The following SLC2A9 variants were observed in gnomAD, a reference collection of about 807,000 sequenced individuals.
The protein encoded by SLC2A9 is solute carrier family 2, facilitated glucose transporter member 9.
A neutral mutation model predicts 50.6 loss-of-function variants in SLC2A9; 39 were observed. The observed-to-expected ratio is 0.77, with a 90% CI of 0.60 to 1.01. SLC2A9 has a LOEUF of 1.01. SLC2A9 is among the 50% of genes least tolerant of loss of function. The pLI, the probability that SLC2A9 is intolerant of heterozygous loss-of-function variation, is 0.00. For synonymous variants in SLC2A9, 324 were observed against 276.9 expected (o/e 1.17, Z -1.69); for missense variants, 686 against 677.6 (o/e 1.01, Z -0.14).
chr4:9,945,290 G>A (rs1748921671), intron 5 of SLC2A9, among the ~76,000 whole-genome samples: 2 of 152,242 alleles, frequency 1.3e-5, no homozygotes, highest in Admixed American at 6.5e-5. Context: ...GTAAAATGGG[G>A]ACAGTGACAA....
At chr4:9,954,259 C>T (rs1479873376) in intron 5 of SLC2A9, among the ~76,000 whole-genome samples, 1 of 152,258 alleles carries the variant, frequency 6.6e-6, no homozygotes, top group Non-Finnish European at 1.5e-5. Flanking sequence ...CTTAGTAACA[C>T]TCACTCAACA....
At chr4:10,011,231 C>G (rs1216258580) in intron 2 of SLC2A9, among the ~76,000 whole-genome samples, 1 of 152,190 alleles carries the variant, frequency 6.6e-6, no homozygotes, top group Non-Finnish European at 1.5e-5. Flanking sequence ...GCAAGAGGAG[C>G]TTTGACTCAT....
chr4:9,836,942 A>G (rs1727207825), intron 10 of SLC2A9, among the ~76,000 whole-genome samples: 1 of 152,178 alleles, frequency 6.6e-6, no homozygotes, highest in Non-Finnish European at 1.5e-5. Flanking sequence ...TAGCAAGCCG[A>G]CCCAACCAAG....
At chr4:9,782,006 A>G in intron 3 of SLC2A9, 1 of 1,412,412 alleles carries the variant, frequency 7.1e-7, no homozygotes, top group Non-Finnish European at 9.2e-7. Context: ...CCGCGCACAG[A>G]CCGCCCCTGC....
intron 2 of SLC2A9, among the ~76,000 whole-genome samples, chr4:10,014,976 T>G (rs1442826255): frequency 6.6e-6 from 1 of 152,174 alleles, no homozygotes; most frequent in East Asian, 1.9e-4. Flanking sequence ...TTCTAGCTAA[T>G]AATAAAGCTG....
At chr4:9,816,983 C>T (rs1410471936) in intron 3 of SLC2A9, among the ~76,000 whole-genome samples, 1 of 152,108 alleles carries the variant, frequency 6.6e-6, no homozygotes, top group Non-Finnish European at 1.5e-5. Context: ...TTTCCTTTTC[C>T]AGCTTCTACA....
intron 3 of SLC2A9, among the ~76,000 whole-genome samples, chr4:9,992,160 C>T (rs548168041): frequency 6.6e-6 from 1 of 152,276 alleles, no homozygotes; most frequent in African/African-American, 2.4e-5. Context: ...CTCAAATTTC[C>T]ACCAAGAAAC....
chr4:9,773,284 C>T (rs577027146), intron 1 of SLC2A9, among the ~76,000 whole-genome samples: 3 of 152,292 alleles, frequency 2.0e-5, no homozygotes, highest in Non-Finnish European at 2.9e-5. Context: ...CTATTCCCTG[C>T]CCTGTGCCAA....
At chr4:9,993,592 G>A (rs546161139) in intron 3 of SLC2A9, among the ~76,000 whole-genome samples, 16 of 152,150 alleles carry the variant, frequency 1.1e-4, no homozygotes, top group South Asian at 8.3e-4. Context: ...TGTGTGTATC[G>A]GAGCCCAGAC....
At chr4:9,897,852 G>C (rs1738853894) in intron 8 of SLC2A9, among the ~76,000 whole-genome samples, 1 of 152,136 alleles carries the variant, frequency 6.6e-6, no homozygotes, top group South Asian at 2.1e-4. Context: ...AGCTGAGATT[G>C]TGCTACTGCA....
At chr4:9,774,185 G>A (rs1282200195) in intron 1 of SLC2A9, among the ~76,000 whole-genome samples, 2 of 151,910 alleles carry the variant, frequency 1.3e-5, no homozygotes, top group Admixed American at 6.6e-5. Context: ...GTAGAGATGG[G>A]GTTTTGCCAT....
intron 5 of SLC2A9, among the ~76,000 whole-genome samples, chr4:9,949,560 G>A (rs1578038480): frequency 6.6e-6 from 1 of 152,208 alleles, no homozygotes; most frequent in South Asian, 2.1e-4. Context: ...AAATTAGGGG[G>A]TCTGGCAGAA....
rs148989521 is a variant in SLC2A9, at chr4:9,920,880, T to C, written c.815-308A>G. On this transcript the variant is annotated intron_variant, in intron 6 of 11. Coordinates refer to ENST00000264784, the MANE Select transcript of SLC2A9 (RefSeq NM_020041.3). ...CCAGAGTTCAAACCCGTCTATAACA[T>C]TGGGCAGTTGTGTCCCTGTTCATCT... is the stretch of plus-strand genomic sequence containing the variant. Among the ~76,000 whole-genome samples the C allele has an allele frequency of 1.3e-4, 20 of 152,356 alleles. 2 individuals carry two copies. In the East Asian group the frequency reaches 3.7e-3, roughly 28 times the overall value.
chr4:9,964,164 G>A (rs1419445796), intron 5 of SLC2A9, among the ~76,000 whole-genome samples: 1 of 152,172 alleles, frequency 6.6e-6, no homozygotes. Context: ...AATTTTGTAT[G>A]CACCCGGGTA....
At chr4:9,912,732 C>T (rs1237003654) in intron 7 of SLC2A9, among the ~76,000 whole-genome samples, 1 of 152,030 alleles carries the variant, frequency 6.6e-6, no homozygotes. Flanking sequence ...AGAACAACAG[C>T]CCCCCGCTCT....
intron 2 of SLC2A9, among the ~76,000 whole-genome samples, chr4:10,000,833 G>A (rs549075953): frequency 3.9e-5 from 6 of 152,034 alleles, no homozygotes; most frequent in Non-Finnish European, 5.9e-5. Context: ...TCCTCCCTAC[G>A]TGAGTGAATG....
At chr4:9,921,951 G>T (rs193178741) in intron 6 of SLC2A9, among the ~76,000 whole-genome samples, 5 of 151,642 alleles carry the variant, frequency 3.3e-5, no homozygotes, top group East Asian at 1.9e-4. Context: ...CACCATGGCT[G>T]CCAGGAAGCT....
chr4:9,903,099 G>T (rs1209386150), intron 8 of SLC2A9, among the ~76,000 whole-genome samples: 2 of 152,182 alleles, frequency 1.3e-5, no homozygotes, highest in Admixed American at 1.3e-4. Context: ...ACAGAGCCCA[G>T]ATGATCTATC....
At position 10,039,859 on chromosome 4, in the gene SLC2A9, AC is replaced by A. The variant is rs563034758; in HGVS notation, c.-41+270del. ...TTGCTCAGTTCTAGATTAAGCCTTC[AC>A]TTAAAGAAAGAAAGAAGAAAGGAAG... On this transcript the variant is annotated intron_variant, in intron 1 of 12. Coordinates refer to the SLC2A9 transcript ENST00000309065. Among the ~76,000 whole-genome samples the A allele has an allele frequency of 5.6e-3, 848 of 152,290 alleles. 5 individuals are homozygous for A. Among genetic ancestry groups the A allele is most frequent in the Middle Eastern group, 6.8e-3 (2 of 294 alleles).
Sources: gnomAD v4.1 joint callset for allele counts (sites outside exome capture counted in the v4.1 genomes callset) on GRCh38, gnomAD v4.1.1 for gene constraint, MANE v1.5 for transcripts, NCBI Gene and HGNC (gene_info 2026-07-23, HGNC 2026-07-21) for gene names.